The following PSMD14 variants were observed in gnomAD, a reference collection of about 807,000 sequenced individuals.
The protein encoded by PSMD14 is proteasome 26S subunit, non-ATPase 14.
In PSMD14, 7 loss-of-function variants were observed where a neutral mutation model predicts 41.2. The observed-to-expected ratio is 0.17, with a 90% CI of 0.10 to 0.32. PSMD14 has a LOEUF of 0.32. Among genes scored for constraint, PSMD14 ranks in the 10% least tolerant of loss-of-function variants. The pLI is 1.00. For synonymous variants in PSMD14, 114 were observed against 122.3 expected (o/e 0.93, Z 0.45); for missense variants, 139 against 375.6 (o/e 0.37, Z 5.21).
intron 9 of PSMD14, among the ~76,000 whole-genome samples, chr2:161,392,853 T>G (rs1039792806): frequency 1.6e-4 from 25 of 152,184 alleles, no homozygotes; most frequent in Non-Finnish European, 4.4e-5. Flanking sequence ...CAAAATTCAT[T>G]CAGAATATAA....
intron 3 of PSMD14, among the ~76,000 whole-genome samples, chr2:161,350,355 A>G (rs1043231574): frequency 6.6e-6 from 1 of 152,236 alleles, no homozygotes; most frequent in Non-Finnish European, 1.5e-5. Flanking sequence ...ACTTAGTATC[A>G]TGTATCTGGC....
At chr2:161,396,675 G>T (rs991236861) in intron 10 of PSMD14, among the ~76,000 whole-genome samples, 1 of 152,144 alleles carries the variant, frequency 6.6e-6, no homozygotes, top group Admixed American at 6.6e-5. Context: ...GAGCAAAAAA[G>T]ACATAGGACA....
At chr2:161,402,484 A>G (rs2105271424) in intron 10 of PSMD14, among the ~76,000 whole-genome samples, 1 of 151,996 alleles carries the variant, frequency 6.6e-6, no homozygotes, top group South Asian at 2.1e-4. Flanking sequence ...ACACAAACAC[A>G]CACAGAATTA....
chr2:161,311,625 CTTTTTTTTTTT>C (rs34635738), intron 1 of PSMD14, among the ~76,000 whole-genome samples: 1 of 58,534 alleles, frequency 1.7e-5, no homozygotes, highest in Admixed American at 2.4e-4. Context: ...CTCACTCTTC[CTTTTTTTTTTT>C]TTTTTTTTTT....
At chr2:161,390,917 C>T (rs978342248) in intron 8 of PSMD14, among the ~76,000 whole-genome samples, 187 bp from the exon 9 acceptor site, 1 of 152,136 alleles carries the variant, frequency 6.6e-6, no homozygotes, top group Non-Finnish European at 1.5e-5. Context: ...GTAACCCGTT[C>T]CTCTAAACCT....
intron 8 of PSMD14, 75 bp downstream of exon 8, chr2:161,385,646 T>G: frequency 1.3e-6 from 1 of 785,840 alleles, no homozygotes; most frequent in South Asian, 2.0e-5. Context: ...CTTTTTAAGT[T>G]CTAATTCTTA....
intron 3 of PSMD14, among the ~76,000 whole-genome samples, chr2:161,331,492 T>C (rs1160718132): frequency 6.6e-6 from 1 of 152,104 alleles, no homozygotes; most frequent in African/African-American, 2.4e-5. Context: ...ACTCCTGACC[T>C]GGTGATCTGC....
intron 10 of PSMD14, among the ~76,000 whole-genome samples, chr2:161,399,835 A>G (rs1486892348): frequency 2.0e-5 from 3 of 152,226 alleles, no homozygotes; most frequent in African/African-American, 4.8e-5. Flanking sequence ...TCTTTAAACC[A>G]CATGTTCTCT....
At chr2:161,343,547 A>G (rs1012281573) in intron 3 of PSMD14, among the ~76,000 whole-genome samples, 3 of 152,154 alleles carry the variant, frequency 2.0e-5, no homozygotes, top group African/African-American at 7.2e-5. Flanking sequence ...CTGTTTGAGG[A>G]TCGGGTACAG....
At chr2:161,341,869 A>AAT (rs200554069) in intron 3 of PSMD14, among the ~76,000 whole-genome samples, 3,346 of 137,230 alleles carry the variant, frequency 0.024, 71 homozygotes, top group Middle Eastern at 0.038. Flanking sequence ...AATTAAAAAA[A>AAT]ATATATATGT....
At chr2:161,390,310 A>G (rs906425628) in intron 8 of PSMD14, among the ~76,000 whole-genome samples, 6 of 152,158 alleles carry the variant, frequency 3.9e-5, no homozygotes, top group African/African-American at 1.2e-4. Context: ...ATATCCCTAA[A>G]GGTTTATTTC....
At chr2:161,349,016 A>G (rs1335357706) in intron 3 of PSMD14, among the ~76,000 whole-genome samples, 1 of 152,140 alleles carries the variant, frequency 6.6e-6, no homozygotes, top group Non-Finnish European at 1.5e-5. Context: ...ACTCCCAGAG[A>G]GGCATCTTTC....
At chr2:161,349,195 T>C (rs956172521) in intron 3 of PSMD14, among the ~76,000 whole-genome samples, 5 of 152,194 alleles carry the variant, frequency 3.3e-5, no homozygotes, top group African/African-American at 1.2e-4. Flanking sequence ...CTACAGTCTG[T>C]TGTTTTATAA....
intron 4 of PSMD14, 28 bp from the exon 5 acceptor site, chr2:161,367,756 T>C: frequency 6.2e-7 from 1 of 1,605,952 alleles, no homozygotes; most frequent in Non-Finnish European, 8.5e-7. Flanking sequence ...GAAATTTGCT[T>C]TGTGTCCACA....
intron 1 of PSMD14, among the ~76,000 whole-genome samples, chr2:161,309,902 TCCC>T (rs1689068987): frequency 6.6e-6 from 1 of 152,090 alleles, no homozygotes; most frequent in Admixed American, 6.6e-5. Context: ...ACACCTGTAA[TCCC>T]AGCACTTTGG....
intron 3 of PSMD14, among the ~76,000 whole-genome samples, chr2:161,326,088 A>G (rs186873454): frequency 1.3e-5 from 2 of 152,288 alleles, no homozygotes; most frequent in Admixed American, 1.3e-4. Flanking sequence ...CCCAGGCTAG[A>G]GTGCAGTGGC....
intron 3 of PSMD14, among the ~76,000 whole-genome samples, chr2:161,360,272 C>G (rs1683271341): frequency 6.6e-6 from 1 of 151,562 alleles, no homozygotes; most frequent in Admixed American, 6.6e-5. Flanking sequence ...TCACTGCAGC[C>G]TTGACCTGGG....
intron 3 of PSMD14, among the ~76,000 whole-genome samples, chr2:161,326,371 T>C (rs924023481): frequency 6.6e-6 from 1 of 152,192 alleles, no homozygotes. Flanking sequence ...TTTGAATGGC[T>C]ATTATCCAAA....
chr2:161,338,005 C>T (rs1270426335), intron 3 of PSMD14, among the ~76,000 whole-genome samples: 5 of 152,032 alleles, frequency 3.3e-5, no homozygotes. Flanking sequence ...CATTTTGTAA[C>T]TCTCTGACTA....
Sources: gnomAD v4.1 joint callset for allele counts (sites outside exome capture counted in the v4.1 genomes callset) on GRCh38, gnomAD v4.1.1 for gene constraint, MANE v1.5 for transcripts, NCBI Gene and HGNC (gene_info 2026-07-23, HGNC 2026-07-21) for gene names.